CPNE8: variants seen among roughly 807,000 people sequenced by gnomAD.
CPNE8 encodes the protein copine-8.
Under a neutral mutation model 81.5 loss-of-function variants are expected in CPNE8, and 45 were observed. The ratio of observed to expected loss-of-function variants is 0.55; its 90% CI spans 0.44 to 0.71. CPNE8 has a LOEUF of 0.71. Ranked by LOEUF, CPNE8 falls within the 30% of genes least tolerant of loss-of-function variation. The pLI, the probability that CPNE8 is intolerant of heterozygous loss-of-function variation, is 0.00. For missense variants in CPNE8, 594 were observed against 672.1 expected, an observed-to-expected ratio of 0.88 and a Z score of 1.28; for synonymous variants, 252 against 226.3, an observed-to-expected ratio of 1.11 and a Z score of -1.02.
At chr12:38,797,958 G>C (rs780776209) in intron 6 of CPNE8, among the ~76,000 whole-genome samples, 6 of 152,134 alleles carry the variant, frequency 3.9e-5, no homozygotes, top group Non-Finnish European at 1.5e-5. Flanking sequence ...AGTGATGGAA[G>C]ATGAAATGAA....
chr12:38,845,525 A>T (rs1943542500), intron 4 of CPNE8, among the ~76,000 whole-genome samples: 1 of 151,824 alleles, frequency 6.6e-6, no homozygotes, highest in Non-Finnish European at 1.5e-5. Context: ...TTATTTTCCA[A>T]TTTTTTTACC....
upstream of CPNE8, chr12:38,906,373 G>T: frequency 1.0e-6 from 1 of 985,464 alleles, no homozygotes; most frequent in Non-Finnish European, 1.2e-6. Flanking sequence ...ATACTACTTG[G>T]GATTTAAGGA....
intron 4 of CPNE8, among the ~76,000 whole-genome samples, chr12:38,843,872 G>T (rs889502029): frequency 2.6e-5 from 4 of 152,112 alleles, no homozygotes; most frequent in African/African-American, 9.7e-5. Context: ...TCCAGCTGAA[G>T]GGAGTGCAAG....
At chr12:38,864,417 T>C (rs1424570061) in intron 3 of CPNE8, among the ~76,000 whole-genome samples, 1 of 151,896 alleles carries the variant, frequency 6.6e-6, no homozygotes, top group African/African-American at 2.4e-5. Flanking sequence ...CGTTTGACCC[T>C]TTACAGAAAA....
chr12:38,717,429 G>GTGTATATATATATATATATATATA (rs770984926), intron 13 of CPNE8, among the ~76,000 whole-genome samples: 22 of 87,020 alleles, frequency 2.5e-4, no homozygotes, highest in Admixed American at 2.2e-3. Flanking sequence ...AAAGTGTGGT[G>GTGTATATATATATATATATATATA]TATATATATA....
intron 13 of CPNE8, among the ~76,000 whole-genome samples, chr12:38,705,234 A>G (rs1940075097): frequency 6.6e-6 from 1 of 152,132 alleles, no homozygotes; most frequent in Non-Finnish European, 1.5e-5. Flanking sequence ...TTGGATAAAT[A>G]ATGATGGGAT....
At chr12:38,791,782 C>A (rs1942329395) in intron 6 of CPNE8, among the ~76,000 whole-genome samples, 1 of 151,578 alleles carries the variant, frequency 6.6e-6, no homozygotes, top group South Asian at 2.1e-4. Context: ...AATGAATATA[C>A]ATTCTCTTCA....
Position 38,795,855 on chromosome 12 carries a change from A to AGATGGATG in CPNE8, c.408-19562_408-19555dup, listed in dbSNP as rs879746840. Reference sequence around the variant, plus strand: ...CACTTAAAATGGTAAATATGATGATAGATGGATGGATGGATAGATAGATAG... The same window carrying AGATGGATG: ...CACTTAAAATGGTAAATATGATGATAGATGGATGGATGGATGGATGGATAGATAGATAG... On this transcript the variant is annotated intron_variant, in intron 6 of 19. Transcript: ENST00000331366. Among the ~76,000 whole-genome samples the AGATGGATG allele has an allele frequency of 3.7e-5, 4 of 108,202 alleles. No homozygotes were observed. In the Admixed American group the frequency reaches 4.2e-4, roughly 11 times the overall value. 71.0% of individuals were successfully genotyped at this position (108,202 alleles called of 152,430 possible).
chr12:38,787,558 C>G (rs1239174490), intron 6 of CPNE8, among the ~76,000 whole-genome samples: 1 of 140,818 alleles, frequency 7.1e-6, no homozygotes, highest in African/African-American at 2.6e-5. Flanking sequence ...AAAGCAAGAG[C>G]AAATCAAACA....
intron 6 of CPNE8, among the ~76,000 whole-genome samples, chr12:38,794,792 T>C (rs1271790605): frequency 2.0e-5 from 3 of 152,164 alleles, no homozygotes; most frequent in African/African-American, 2.4e-5. Context: ...GTCAACTTGA[T>C]TGGTTGAAGA....
chr12:38,867,919 C>A (rs1943938917), intron 3 of CPNE8, among the ~76,000 whole-genome samples: 1 of 152,068 alleles, frequency 6.6e-6, no homozygotes, highest in Admixed American at 6.6e-5. Flanking sequence ...TAATTATAAT[C>A]ATGTTAGAGA....
chr12:38,761,013 A>C lies in CPNE8; in HGVS notation c.681-125T>G, dbSNP rs1304516221. 5.6e-6 allele frequency: 4 copies of C among 711,940 alleles called. No individual in the cohort carries two copies. In the Admixed American group the frequency reaches 9.0e-5, roughly 16 times the overall value. 44.1% of individuals were successfully genotyped at this position (711,940 alleles called of 1,614,324 possible). On this transcript the variant is annotated intron_variant, in intron 9 of 19. Transcript: ENST00000331366. ...TGTATGCTTGCAGATTTTACATATG[A>C]ATTTGAAGTTAATTTTGCTAATTTC...
chr12:38,687,894 T>C (rs1413286865), intron 15 of CPNE8, among the ~76,000 whole-genome samples: 1 of 152,216 alleles, frequency 6.6e-6, no homozygotes, highest in Admixed American at 6.5e-5. Context: ...GTTGCATGAC[T>C]TGGCTGAAAA....
At chr12:38,799,451 G>T (rs182146707) in intron 6 of CPNE8, among the ~76,000 whole-genome samples, 14 of 152,140 alleles carry the variant, frequency 9.2e-5, no homozygotes, top group Non-Finnish European at 1.8e-4. Flanking sequence ...TGACTACTGG[G>T]TACATAAGGA....
At chr12:38,799,559 A>C (rs538734230) in intron 6 of CPNE8, among the ~76,000 whole-genome samples, 5 of 152,268 alleles carry the variant, frequency 3.3e-5, no homozygotes, top group African/African-American at 9.6e-5. Context: ...GTGTAGAGGG[A>C]AATTTATAGC....
intron 8 of CPNE8, among the ~76,000 whole-genome samples, chr12:38,764,574 G>C (rs1592069466): frequency 8.0e-6 from 1 of 125,616 alleles, no homozygotes; most frequent in Non-Finnish European, 1.6e-5. Flanking sequence ...CCGAGATCCC[G>C]CCACTGCACT....
intron 1 of CPNE8, among the ~76,000 whole-genome samples, chr12:38,904,470 G>A (rs113016420): frequency 8.3e-6 from 1 of 120,306 alleles, no homozygotes; most frequent in Non-Finnish European, 1.7e-5. Context: ...GTTTTTTTTT[G>A]TTTTTTTTTT....
chr12:38,853,997 CT>C (rs1293015694), intron 3 of CPNE8, among the ~76,000 whole-genome samples: 1 of 152,038 alleles, frequency 6.6e-6, no homozygotes, highest in Non-Finnish European at 1.5e-5. Context: ...AACTGCACAT[CT>C]TTAATTCAAT....
In CPNE8 at chr12:38,900,156, T is replaced by TACACC. The variant is rs768990301; in HGVS notation, c.98+5280_98+5281insGGTGT. 9.3e-3 allele frequency among the ~76,000 whole-genome samples: 1,411 copies of TACACC among 152,262 alleles called. 18 individuals are homozygous for TACACC. The highest frequency in any genetic ancestry group is 0.039 in the South Asian group (186 of 4,828). ...TAAGCTCCAGCACACCATCAAAAAG[T>TACACC]ATCTTCCTAACACCCTAGTAGGGTG... On this transcript the variant is annotated intron_variant, in intron 1 of 19. Transcript: ENST00000331366.
Sources: allele counts gnomAD v4.1 joint callset (sites outside exome capture counted in the v4.1 genomes callset), GRCh38; gene constraint gnomAD v4.1.1; transcripts MANE v1.5; gene names NCBI Gene and HGNC (gene_info 2026-07-23, HGNC 2026-07-21).